Variants in ASPH observed in about 807,000 individuals in gnomAD.
The protein encoded by ASPH is aspartyl/asparaginyl beta-hydroxylase.
ASPH carries 100 observed loss-of-function variants against 118.4 expected under a neutral mutation model. The ratio of observed to expected loss-of-function variants is 0.84; its 90% CI spans 0.72 to 1.00. The LOEUF is 1.00. ASPH is among the 50% of genes least tolerant of loss of function. The pLI is 0.00. For missense variants in ASPH, 920 were observed against 919.5 expected (o/e 1.00, Z -0.01); for synonymous variants, 315 against 325.6 (o/e 0.97, Z 0.35).
intron 16 of ASPH, among the ~76,000 whole-genome samples, chr8:61,572,303 C>A (rs1833693084): frequency 6.6e-6 from 1 of 152,206 alleles, no homozygotes; most frequent in South Asian, 2.1e-4. Flanking sequence ...GGTTGACAAT[C>A]TTGACCTCTA....
chr8:61,685,624 T>C, intron 1 of ASPH, among the ~76,000 whole-genome samples: 1 of 152,022 alleles, frequency 6.6e-6, no homozygotes, highest in East Asian at 1.9e-4. Context: ...TATATTCTTC[T>C]GGAAGAAAAA....
At chr8:61,555,556 G>A (rs1187814481) in intron 19 of ASPH, among the ~76,000 whole-genome samples, 1 of 152,118 alleles carries the variant, frequency 6.6e-6, no homozygotes, top group Non-Finnish European at 1.5e-5. Context: ...GCCACCCAAA[G>A]TGCTGGGATT....
At position 61,705,584 on chromosome 8, in the gene ASPH, A is replaced by C. The variant is rs555274462; in HGVS notation, c.103+8685T>G. 1.1e-4 allele frequency among the ~76,000 whole-genome samples: 16 copies of C among 152,376 alleles called. No homozygotes were observed. The South Asian group carries it at 3.3e-3, about 32-fold the overall frequency. ...TAGAAAACACTAATCTATGATCAAA[A>C]AATGTAGTACAATGGCTGCCTCTGG... On this transcript the variant is annotated intron_variant, in intron 1 of 24. Coordinates refer to ENST00000379454, the MANE Select transcript of ASPH (RefSeq NM_004318.4).
intron 1 of ASPH, chr8:61,684,769 A>G (rs762718992): frequency 6.6e-6 from 1 of 152,232 alleles, no homozygotes; most frequent in Non-Finnish European, 1.5e-5. Context: ...ACAGCTTTGT[A>G]AACTGCTGTC....
chr8:61,698,225 G>A (rs1834393366), intron 1 of ASPH, among the ~76,000 whole-genome samples: 1 of 152,208 alleles, frequency 6.6e-6, no homozygotes, highest in Non-Finnish European at 1.5e-5. Context: ...ACAGAAAAAG[G>A]CACAGAAACA....
chr8:61,590,740 C>G (rs1840867595), intron 14 of ASPH, among the ~76,000 whole-genome samples: 1 of 152,086 alleles, frequency 6.6e-6, no homozygotes, highest in African/African-American at 2.4e-5. Flanking sequence ...TATTAATTTC[C>G]TTTATATAGA....
chr8:61,542,622 T>A (rs1236307806), intron 21 of ASPH, among the ~76,000 whole-genome samples: 1 of 152,184 alleles, frequency 6.6e-6, no homozygotes, highest in Non-Finnish European at 1.5e-5. Context: ...TGGAATAAGA[T>A]AGAAGAAAAA....
intron 4 of ASPH, among the ~76,000 whole-genome samples, chr8:61,652,506 C>G (rs1422459987): frequency 6.6e-6 from 1 of 151,990 alleles, no homozygotes; most frequent in Non-Finnish European, 1.5e-5. Flanking sequence ...TTGGAAGATG[C>G]AGAAGCTGGA....
chr8:61,553,100 A>T lies in ASPH; in HGVS notation c.1557T>A (p.Asp519Glu). The change falls in exon 20 of 25, where the codon GAT becomes GAA. Residue 519 changes from aspartate to glutamate, a missense_variant. Transcript: ENST00000379454. ...AAAATCTCCCATCATCAGTGCCAGG[A>T]TCTCCGGATTCTATTCCTTCCTGTA... Reference protein sequence around the residue: ...PYLKEGIESGDPGTDDGRFYF... With the variant: ...PYLKEGIESGEPGTDDGRFYF... The T allele has an allele frequency of 6.2e-7, 1 of 1,613,552 alleles. No homozygotes were observed. Among genetic ancestry groups the T allele is most frequent in the Non-Finnish European group, 8.5e-7 (1 of 1,179,576 alleles).
Position 61,642,920 on chromosome 8 carries a change from T to C in ASPH, c.758A>G (p.Asp253Gly). The change falls in exon 10 of 25, where the codon GAT (aspartate) becomes GGT (glycine). Residue 253 changes from aspartate (D) to glycine (G), a missense_variant and splice_region_variant. Transcript: ENST00000379454. Reference protein sequence around the residue: ...VEDERLHHDTDDVTYQVYEEQ... With the variant: ...VEDERLHHDTGDVTYQVYEEQ... ...CTCATAGACTTGGTATGTTACATCA[T>C]CTGAAAAAAAAAAGAGAATAAAAGC... 9 of 1,550,380 alleles carry C rather than the reference T, an allele frequency of 5.8e-6. No individual in the cohort carries two copies. The highest frequency in any genetic ancestry group is 7.8e-6 in the Non-Finnish European group (9 of 1,157,522).
At chr8:61,555,789 T>C in intron 19 of ASPH, 135 bp downstream of exon 19, 1 of 709,408 alleles carries the variant, frequency 1.4e-6, no homozygotes, top group Non-Finnish European at 2.3e-6. Context: ...ATGAATGTCA[T>C]GGTCTGAGGG....
At chr8:61,624,767 A>G in intron 13 of ASPH, 1 of 985,224 alleles carries the variant, frequency 1.0e-6, no homozygotes, top group Non-Finnish European at 1.2e-6. Context: ...CATCAGTTCT[A>G]TGTCACTCCT....
At chr8:61,706,834 T>C (rs1340903159) in intron 1 of ASPH, among the ~76,000 whole-genome samples, 1 of 152,216 alleles carries the variant, frequency 6.6e-6, no homozygotes, top group East Asian at 1.9e-4. Flanking sequence ...GCCCGACGTA[T>C]TCATACACAA....
intron 22 of ASPH, 41 bp downstream of exon 22, chr8:61,525,936 G>A (rs754767718): frequency 6.2e-7 from 1 of 1,612,018 alleles, no homozygotes; most frequent in Non-Finnish European, 8.5e-7. Flanking sequence ...CTTCCCATCA[G>A]GTTTGGGCTG....
chr8:61,536,330 C>T (rs1395307774), intron 21 of ASPH, among the ~76,000 whole-genome samples: 1 of 152,150 alleles, frequency 6.6e-6, no homozygotes, highest in Non-Finnish European at 1.5e-5. Flanking sequence ...TGAGCCACCG[C>T]ACCCAACCAA....
intron 3 of ASPH, chr8:61,664,521 TAA>T (rs1818498160): frequency 2.0e-6 from 2 of 985,112 alleles, no homozygotes; most frequent in Non-Finnish European, 2.4e-6. Flanking sequence ...TGGTAAGCAC[TAA>T]GTATGTACTG....
chr8:61,593,262 T>C (rs1186523241), intron 14 of ASPH, among the ~76,000 whole-genome samples: 2 of 152,170 alleles, frequency 1.3e-5, no homozygotes, highest in East Asian at 1.9e-4. Context: ...GATCCAAAAA[T>C]AGCCCCTTCT....
chr8:61,553,066 G>C lies in ASPH; in HGVS notation c.1591C>G (p.Leu531Val), dbSNP rs769688947. 6.2e-7 allele frequency: 1 copy of C among 1,613,520 alleles called. No individual in the cohort carries two copies. The highest frequency in any genetic ancestry group is 8.5e-7 in the Non-Finnish European group (1 of 1,179,680). Reference protein sequence around the residue: ...GTDDGRFYFHLGDAMQRVGNK... With the variant: ...GTDDGRFYFHVGDAMQRVGNK... ...CCAACCCTCTGCATGGCATCCCCCA[G>C]GTGGAAATAAAATCTCCCATCATCA... Residue 531 changes from leucine to valine, a missense_variant, in exon 20 of 25, where the codon CTG (leucine) becomes GTG (valine). Physicochemically the swap from Leu to Val is conservative, Grantham distance 32. Transcript: ENST00000379454.
chr8:61,549,964 C>G lies in ASPH; in HGVS notation c.1627-1756G>C, dbSNP rs73263149. ...TGCTAGATGTCTGGGCAAGTTACAA[C>G]AGCATGTTTAAACTATCTATAAGGT... On this transcript the variant is annotated intron_variant, in intron 20 of 24. Transcript: ENST00000379454. 9.1e-3 allele frequency among the ~76,000 whole-genome samples: 1,384 copies of G among 152,256 alleles called. 12 individuals carry two copies. Among genetic ancestry groups the G allele is most frequent in the African/African-American group, 0.032 (1,329 of 41,536 alleles).
Sources: allele counts gnomAD v4.1 joint callset (sites outside exome capture counted in the v4.1 genomes callset), GRCh38; gene constraint gnomAD v4.1.1; transcripts MANE v1.5; gene names NCBI Gene and HGNC (gene_info 2026-07-23, HGNC 2026-07-21).